Variants in CNTNAP2 observed in about 807,000 individuals in gnomAD.
CNTNAP2 encodes contactin-associated protein-like 2.
A neutral mutation model predicts 155.2 loss-of-function variants in CNTNAP2; 98 were observed. That is an observed-to-expected ratio of 0.63 (90% CI 0.54 to 0.75). CNTNAP2 has a LOEUF of 0.75. Among genes scored for constraint, CNTNAP2 ranks in the 30% least tolerant of loss-of-function variants. The probability of loss-of-function intolerance (pLI) is 0.00; values close to 1 mark genes in which losing one functional copy is unlikely to be tolerated. For missense variants in CNTNAP2, 1,727 were observed against 1,688.1 expected, an observed-to-expected ratio of 1.02 and a Z score of -0.40; for synonymous variants, 651 against 631.2, an observed-to-expected ratio of 1.03 and a Z score of -0.47.
chr7:146,121,742 C>G (rs2692362), intron 1 of CNTNAP2, among the ~76,000 whole-genome samples: 1 of 151,906 alleles, frequency 6.6e-6, no homozygotes, highest in Non-Finnish European at 1.5e-5. Flanking sequence ...TCTAGAGAGA[C>G]ACATATTTTA....
chr7:147,713,745 G>A (rs1474348977), intron 13 of CNTNAP2, among the ~76,000 whole-genome samples: 1 of 152,074 alleles, frequency 6.6e-6, no homozygotes, highest in South Asian at 2.1e-4. Context: ...GTAGCGTTTT[G>A]TTTTTAGACC....
At chr7:147,871,598 G>T (rs1799327487) in intron 13 of CNTNAP2, among the ~76,000 whole-genome samples, 1 of 151,950 alleles carries the variant, frequency 6.6e-6, no homozygotes, top group African/African-American at 2.4e-5. Flanking sequence ...ACGTCCACAG[G>T]GGCTGCTGCC....
At chr7:146,819,521 C>T (rs982742578) in intron 2 of CNTNAP2, among the ~76,000 whole-genome samples, 12 of 152,204 alleles carry the variant, frequency 7.9e-5, no homozygotes, top group African/African-American at 2.2e-4. Context: ...GACATTGGCA[C>T]GTCCCATCAA....
intron 22 of CNTNAP2, chr7:148,389,626 T>C (rs11980540): frequency 0.54 from 82,702 of 151,986 alleles, 23,103 homozygotes; most frequent in South Asian, 0.61. Flanking sequence ...CTCTTGGGGT[T>C]TGGATCAGGA....
At chr7:146,624,791 T>G (rs532878115) in intron 1 of CNTNAP2, among the ~76,000 whole-genome samples, 19 of 152,132 alleles carry the variant, frequency 1.2e-4, no homozygotes, top group African/African-American at 4.6e-4. Flanking sequence ...GGGATTGTGT[T>G]GAATCTATAG....
At chr7:146,896,282 C>CT (rs1375676633) in intron 3 of CNTNAP2, among the ~76,000 whole-genome samples, 1 of 152,048 alleles carries the variant, frequency 6.6e-6, no homozygotes, top group Non-Finnish European at 1.5e-5. Context: ...TGCATACACC[C>CT]TTTTAGGCAA....
chr7:146,835,026 A>C (rs1053197016), intron 2 of CNTNAP2, among the ~76,000 whole-genome samples: 2 of 152,170 alleles, frequency 1.3e-5, no homozygotes, highest in Non-Finnish European at 2.9e-5. Context: ...CCTTGAGGTT[A>C]ATCACTACAG....
chr7:146,303,864 G>A (rs924725044), intron 1 of CNTNAP2, among the ~76,000 whole-genome samples: 3 of 151,992 alleles, frequency 2.0e-5, no homozygotes, highest in African/African-American at 7.2e-5. Context: ...GTTGACAGTG[G>A]GGTGTTAAAG....
rs1801739519 is a variant in CNTNAP2, at chr7:146,742,654, G to T, written c.98-31617G>T. 2.0e-5 allele frequency among the ~76,000 whole-genome samples: 3 copies of T among 152,110 alleles called. No individual in the cohort carries two copies. The South Asian group carries it at 6.2e-4, about 32-fold the overall frequency. ...AGTATGAATTGATTTCAGAGGGAAT[G>T]AAGAAGATTTAAGTAGGTAATGAGA... is the stretch of plus-strand genomic sequence containing the variant. On this transcript the variant is annotated intron_variant, in intron 1 of 23. Coordinates refer to ENST00000361727, the MANE Select transcript of CNTNAP2 (RefSeq NM_014141.6).
At position 148,091,311 on chromosome 7, in the gene CNTNAP2, A is replaced by G. The variant is rs146261802; in HGVS notation, c.2384-26807A>G. Among the ~76,000 whole-genome samples, 8 of 152,348 alleles carry G rather than the reference A, an allele frequency of 5.3e-5. No homozygotes were observed. The East Asian group carries it at 1.3e-3, about 26-fold the overall frequency. On this transcript the variant is annotated intron_variant, in intron 15 of 23. Coordinates refer to ENST00000361727, the MANE Select transcript of CNTNAP2 (RefSeq NM_014141.6). ...TCTACAATGTGTACTGTGTATGTAC[A>G]TGTGTATATGTATATAATCTCAAAA...
intron 21 of CNTNAP2, among the ~76,000 whole-genome samples, chr7:148,355,610 T>G (rs1227807397): frequency 6.6e-6 from 1 of 152,192 alleles, no homozygotes; most frequent in Non-Finnish European, 1.5e-5. Flanking sequence ...TAATATGACC[T>G]AGGTCAGAAT....
intron 1 of CNTNAP2, among the ~76,000 whole-genome samples, chr7:146,650,709 G>C (rs947868139): frequency 2.6e-5 from 4 of 151,966 alleles, no homozygotes; most frequent in East Asian, 1.9e-4. Context: ...TATAAAATCT[G>C]ATTATTTCAC....
At chr7:147,857,122 T>C (rs1224441634) in intron 13 of CNTNAP2, among the ~76,000 whole-genome samples, 1 of 152,240 alleles carries the variant, frequency 6.6e-6, no homozygotes, top group Non-Finnish European at 1.5e-5. Context: ...TTTTGGTATA[T>C]TTGTCAGAAC....
At chr7:147,047,740 A>G (rs1488437544) in intron 4 of CNTNAP2, among the ~76,000 whole-genome samples, 1 of 151,038 alleles carries the variant, frequency 6.6e-6, no homozygotes, top group Non-Finnish European at 1.5e-5. Flanking sequence ...TTGTGCTGTC[A>G]TGGGCTTTTC....
chr7:147,363,051 T>C (rs1796171087), intron 9 of CNTNAP2, among the ~76,000 whole-genome samples: 1 of 152,118 alleles, frequency 6.6e-6, no homozygotes, highest in Admixed American at 6.6e-5. Flanking sequence ...TCACCTCCAA[T>C]GGGTCAGTGG....
At chr7:147,085,873 C>A (rs1367135793) in intron 4 of CNTNAP2, 1 of 152,204 alleles carries the variant, frequency 6.6e-6, no homozygotes, top group African/African-American at 2.4e-5. Context: ...GCATCTGCAA[C>A]CCAAATGTCC....
At chr7:147,432,507 A>G (rs891693410) in intron 10 of CNTNAP2, among the ~76,000 whole-genome samples, 2 of 152,218 alleles carry the variant, frequency 1.3e-5, no homozygotes, top group African/African-American at 4.8e-5. Flanking sequence ...ACTACTTCCC[A>G]CATTAGCTAC....
intron 1 of CNTNAP2, among the ~76,000 whole-genome samples, chr7:146,389,697 TTTTTTC>T (rs975965832): frequency 6.9e-6 from 1 of 144,950 alleles, no homozygotes; most frequent in African/African-American, 2.7e-5. Flanking sequence ...TTTTCTTTTC[TTTTTTC>T]TTTTTTTTTT....
At chr7:147,102,693 G>A (rs983872985) in intron 4 of CNTNAP2, among the ~76,000 whole-genome samples, 5 of 152,146 alleles carry the variant, frequency 3.3e-5, no homozygotes, top group African/African-American at 1.2e-4. Flanking sequence ...ATCTGGAGAA[G>A]GCTCATTTGC....
Sources: gnomAD v4.1 joint callset for allele counts (sites outside exome capture counted in the v4.1 genomes callset) on GRCh38, gnomAD v4.1.1 for gene constraint, MANE v1.5 for transcripts, NCBI Gene and HGNC (gene_info 2026-07-23, HGNC 2026-07-21) for gene names.